The following TCF12 variants were observed in gnomAD, a reference collection of about 807,000 sequenced individuals.
TCF12 encodes the protein DNA-binding protein HTF4.
In TCF12, 45 loss-of-function variants were observed where a neutral mutation model predicts 86.0. That is an observed-to-expected ratio of 0.52 (90% CI 0.41 to 0.67). The LOEUF (loss-of-function observed/expected upper bound fraction) is 0.67. Among genes scored for constraint, TCF12 ranks in the 30% least tolerant of loss-of-function variants. The pLI is 0.00. For synonymous variants in TCF12, 330 were observed against 299.6 expected (o/e 1.10, Z -1.05); for missense variants, 881 against 859.9 (o/e 1.02, Z -0.31).
intron 5 of TCF12, among the ~76,000 whole-genome samples, chr15:57,105,130 T>C (rs2050054441): frequency 6.6e-6 from 1 of 151,986 alleles, no homozygotes; most frequent in African/African-American, 2.4e-5. Context: ...CACCCTGGCC[T>C]CCCAAAGTGC....
chr15:57,079,689 C>A (rs189359610), intron 4 of TCF12, among the ~76,000 whole-genome samples: 1 of 151,998 alleles, frequency 6.6e-6, no homozygotes, highest in Non-Finnish European at 1.5e-5. Context: ...TGTTCTCTAA[C>A]GTGGTTAGAG....
chr15:57,080,720 C>T (rs1261347698), intron 4 of TCF12, among the ~76,000 whole-genome samples: 2 of 152,088 alleles, frequency 1.3e-5, no homozygotes, highest in South Asian at 2.1e-4. Flanking sequence ...CTAGGCCATT[C>T]GGATGCCTTT....
At chr15:57,243,111 A>ATTT (rs1566973275) in intron 12 of TCF12, among the ~76,000 whole-genome samples, 1 of 152,208 alleles carries the variant, frequency 6.6e-6, no homozygotes, top group Non-Finnish European at 1.5e-5. Flanking sequence ...TTCTGAGGTG[A>ATTT]TTATTTTTAA....
chr15:57,199,443 TA>T (rs148315336), intron 8 of TCF12, among the ~76,000 whole-genome samples: 5 of 152,112 alleles, frequency 3.3e-5, no homozygotes, highest in Non-Finnish European at 5.9e-5. Context: ...CTATACAGGT[TA>T]AAAAAACAGA....
At chr15:57,233,128 GTATATATGTA>G (rs1271240763) in intron 11 of TCF12, among the ~76,000 whole-genome samples, 2 of 149,848 alleles carry the variant, frequency 1.3e-5, no homozygotes, top group Non-Finnish European at 3.0e-5. Flanking sequence ...GTGTATATAT[GTATATATGTA>G]TATATATGTG....
chr15:57,001,668 C>CA (rs2064044260), intron 3 of TCF12, among the ~76,000 whole-genome samples: 2 of 152,130 alleles, frequency 1.3e-5, no homozygotes, highest in Non-Finnish European at 2.9e-5. Context: ...AAGGGTCATT[C>CA]ATGTGTTCCA....
intron 3 of TCF12, among the ~76,000 whole-genome samples, chr15:56,945,629 T>G (rs2060962192): frequency 6.6e-6 from 1 of 152,150 alleles, no homozygotes; most frequent in Admixed American, 6.5e-5. Context: ...TTTATTCTTT[T>G]CTATATAATA....
intron 4 of TCF12, 126 bp downstream of exon 4, chr15:57,063,949 T>A: frequency 1.4e-6 from 1 of 733,238 alleles, no homozygotes; most frequent in Non-Finnish European, 2.2e-6. Context: ...GTAGAATACC[T>A]AGTACCTTTT....
At chr15:56,957,571 T>C (rs2061552755) in intron 3 of TCF12, among the ~76,000 whole-genome samples, 1 of 152,234 alleles carries the variant, frequency 6.6e-6, no homozygotes, top group Admixed American at 6.5e-5. Flanking sequence ...TGTGTCTTTT[T>C]ATATCTTCTA....
At chr15:57,262,238 T>C (rs1317573451) in intron 17 of TCF12, 30 bp downstream of exon 17, 8 of 1,442,826 alleles carry the variant, frequency 5.5e-6, no homozygotes, top group Non-Finnish European at 7.7e-6. Flanking sequence ...TCAGAAATAA[T>C]GCAGACAGAG....
chr15:57,064,673 G>A (rs769029120), intron 4 of TCF12, among the ~76,000 whole-genome samples: 4 of 151,502 alleles, frequency 2.6e-5, no homozygotes, highest in Admixed American at 1.3e-4. Context: ...GTGGGCATCT[G>A]TAGTCCCAGC....
intron 3 of TCF12, among the ~76,000 whole-genome samples, chr15:57,006,555 G>A (rs2064387095): frequency 6.6e-6 from 1 of 151,952 alleles, no homozygotes; most frequent in East Asian, 1.9e-4. Flanking sequence ...CACTTTGGGA[G>A]GTCGAGGCAG....
intron 3 of TCF12, among the ~76,000 whole-genome samples, chr15:56,932,231 A>G (rs2060277663): frequency 6.6e-6 from 1 of 152,174 alleles, no homozygotes; most frequent in Non-Finnish European, 1.5e-5. Context: ...ATATTTACTC[A>G]TATGCTATTT....
intron 3 of TCF12, among the ~76,000 whole-genome samples, chr15:56,997,055 A>G (rs908267646): frequency 6.6e-6 from 1 of 152,188 alleles, no homozygotes; most frequent in Non-Finnish European, 1.5e-5. Flanking sequence ...CATTGTGGGA[A>G]GCAGTTTGGA....
chr15:57,252,544 C>G, intron 15 of TCF12, 52 bp downstream of exon 15: 1 of 1,435,210 alleles, frequency 7.0e-7, no homozygotes. Flanking sequence ...AATTATACTT[C>G]CCACTATTCA....
intron 6 of TCF12, among the ~76,000 whole-genome samples, chr15:57,187,282 A>G (rs1048249512): frequency 3.9e-5 from 6 of 152,314 alleles, no homozygotes; most frequent in Admixed American, 3.9e-4. Flanking sequence ...GGTAAAGGTC[A>G]TTTACAAAAA....
chr15:56,979,307 A>G (rs2062771433), intron 3 of TCF12, among the ~76,000 whole-genome samples: 1 of 152,112 alleles, frequency 6.6e-6, no homozygotes, highest in Admixed American at 6.6e-5. Flanking sequence ...TCAGTTTTTA[A>G]ATTACTTTTC....
At chr15:57,129,142 C>G (rs2051909760) in intron 5 of TCF12, among the ~76,000 whole-genome samples, 1 of 152,220 alleles carries the variant, frequency 6.6e-6, no homozygotes, top group African/African-American at 2.4e-5. Flanking sequence ...ATTTTACAAT[C>G]CCATCAGCAA....
intron 3 of TCF12, among the ~76,000 whole-genome samples, chr15:56,928,506 C>T (rs1595715569): frequency 6.6e-6 from 1 of 152,150 alleles, no homozygotes; most frequent in African/African-American, 2.4e-5. Context: ...AATACCCCTA[C>T]AAGAGCAACA....
Sources: gnomAD v4.1 joint callset for allele counts (sites outside exome capture counted in the v4.1 genomes callset) on GRCh38, gnomAD v4.1.1 for gene constraint, MANE v1.5 for transcripts, NCBI Gene and HGNC (gene_info 2026-07-23, HGNC 2026-07-21) for gene names.